The following NECAB1 variants were observed in gnomAD, a reference collection of about 807,000 sequenced individuals.
The protein encoded by NECAB1 is N-terminal EF-hand calcium binding protein 1.
Under a neutral mutation model 57.5 loss-of-function variants are expected in NECAB1, and 29 were observed. That is an observed-to-expected ratio of 0.50 (90% CI 0.38 to 0.69). The LOEUF (loss-of-function observed/expected upper bound fraction) is 0.69, where lower values mean the gene tolerates loss of function less well. NECAB1 is among the 30% of genes least tolerant of loss of function. The pLI, the probability that NECAB1 is intolerant of heterozygous loss-of-function variation, is 0.00. For missense variants in NECAB1, 372 were observed against 413.8 expected, an observed-to-expected ratio of 0.90 and a Z score of 0.88; for synonymous variants, 142 against 147.7, an observed-to-expected ratio of 0.96 and a Z score of 0.28.
At chr8:90,914,092 G>A (rs1202183438) in intron 5 of NECAB1, among the ~76,000 whole-genome samples, 1 of 152,112 alleles carries the variant, frequency 6.6e-6, no homozygotes, top group Non-Finnish European at 1.5e-5. Flanking sequence ...GTGGGACCCG[G>A]TTTCTCACAC....
intron 3 of NECAB1, among the ~76,000 whole-genome samples, chr8:90,841,250 ACT>A (rs1358280875): frequency 1.4e-5 from 2 of 140,878 alleles, no homozygotes; most frequent in East Asian, 4.4e-4. Context: ...ACAGAGCGAG[ACT>A]CTGTCTCAAA....
At chr8:90,901,882 G>A (rs192392954) in intron 5 of NECAB1, among the ~76,000 whole-genome samples, 6 of 151,698 alleles carry the variant, frequency 4.0e-5, no homozygotes, top group South Asian at 2.1e-4. Flanking sequence ...CTAAAACCTC[G>A]TTTGCACTCT....
intron 5 of NECAB1, among the ~76,000 whole-genome samples, chr8:90,888,744 T>C (rs1809075110): frequency 1.3e-5 from 2 of 152,184 alleles, no homozygotes; most frequent in African/African-American, 4.8e-5. Context: ...CAAAAAAAGC[T>C]ATTATAGGTG....
chr8:90,846,875 C>G (rs962431390), intron 3 of NECAB1, among the ~76,000 whole-genome samples: 7 of 152,274 alleles, frequency 4.6e-5, no homozygotes, highest in Middle Eastern at 6.8e-3. Context: ...CACCCTGGAT[C>G]CCTCCCATGA....
At chr8:90,801,844 G>T in intron 2 of NECAB1, 129 bp downstream of exon 2, 1 of 580,976 alleles carries the variant, frequency 1.7e-6, no homozygotes, top group South Asian at 2.9e-5. Context: ...TTGTACTAGT[G>T]ATCGTTTTAG....
intron 7 of NECAB1, among the ~76,000 whole-genome samples, chr8:90,927,639 ACAC>A (rs1810306679): frequency 6.6e-6 from 1 of 151,004 alleles, no homozygotes; most frequent in Non-Finnish European, 1.5e-5. Flanking sequence ...ACACACACAC[ACAC>A]TACATACCTA....
At chr8:90,876,090 C>T (rs753345390) in intron 4 of NECAB1, among the ~76,000 whole-genome samples, 3 of 152,106 alleles carry the variant, frequency 2.0e-5, no homozygotes, top group Non-Finnish European at 2.9e-5. Flanking sequence ...AGCTTATTCC[C>T]TTCATACCCA....
intron 10 of NECAB1, among the ~76,000 whole-genome samples, chr8:90,944,615 T>G (rs2130252625): frequency 6.6e-6 from 1 of 152,274 alleles, no homozygotes; most frequent in Admixed American, 6.5e-5. Context: ...AACAAGAGAA[T>G]AGTTTTGCTT....
At chr8:90,807,949 G>A (rs889531123) in intron 2 of NECAB1, among the ~76,000 whole-genome samples, 1 of 152,122 alleles carries the variant, frequency 6.6e-6, no homozygotes, top group African/African-American at 2.4e-5. Context: ...ACCCATGAGT[G>A]CAAGTTCTGA....
intron 11 of NECAB1, among the ~76,000 whole-genome samples, chr8:90,950,684 A>G (rs1231385070): frequency 6.6e-6 from 1 of 152,174 alleles, no homozygotes; most frequent in African/African-American, 2.4e-5. Flanking sequence ...AATGACACCA[A>G]CAGTATTTCA....
intron 3 of NECAB1, among the ~76,000 whole-genome samples, chr8:90,847,507 G>A (rs1375766461): frequency 6.6e-6 from 1 of 152,210 alleles, no homozygotes; most frequent in African/African-American, 2.4e-5. Context: ...AGCTCCACTA[G>A]GCAGTGCCTC....
chr8:90,917,942 GTA>G (rs1324466389), intron 6 of NECAB1, among the ~76,000 whole-genome samples: 1 of 40,422 alleles, frequency 2.5e-5, no homozygotes, highest in Non-Finnish European at 3.6e-5. Context: ...GTGTATGTGT[GTA>G]TATATATACA....
Position 90,944,261 on chromosome 8 carries a change from TACA to T in NECAB1, c.860+3368_860+3370del, listed in dbSNP as rs1563544813. The stretch of plus-strand genomic sequence containing the variant: ...CACACAAGTCCACTCCTGTTCCAAT[TACA>T]ACAAGGTCTTGCTTTCTTAAATTCA... On this transcript the variant is annotated intron_variant, in intron 10 of 12. Transcript: ENST00000417640. 4.6e-5 allele frequency among the ~76,000 whole-genome samples: 7 copies of T among 152,214 alleles called. No individual in the cohort carries two copies. The South Asian group carries it at 1.5e-3, about 32-fold the overall frequency.
chr8:90,846,014 TA>T (rs1360403196), intron 3 of NECAB1, among the ~76,000 whole-genome samples: 1 of 152,204 alleles, frequency 6.6e-6, no homozygotes, highest in Non-Finnish European at 1.5e-5. Context: ...TGGTACATCT[TA>T]AATTATCTGA....
At chr8:90,935,125 T>C (rs896335450) in intron 9 of NECAB1, among the ~76,000 whole-genome samples, 4 of 152,198 alleles carry the variant, frequency 2.6e-5, no homozygotes, top group African/African-American at 9.6e-5. Context: ...TTATATACTT[T>C]ATAGATGTCA....
At chr8:90,853,152 C>T (rs925478101) in intron 3 of NECAB1, among the ~76,000 whole-genome samples, 9 of 152,374 alleles carry the variant, frequency 5.9e-5, no homozygotes, top group East Asian at 3.9e-4. Context: ...CTCCTGTAAC[C>T]GCTCACCTGC....
chr8:90,953,032 G>A (rs1050569330), intron 12 of NECAB1, among the ~76,000 whole-genome samples: 2 of 151,982 alleles, frequency 1.3e-5, no homozygotes, highest in African/African-American at 2.4e-5. Context: ...ATTGGTCTTC[G>A]GTCAAAATTT....
At chr8:90,900,789 C>CTCT (rs1809482834) in intron 5 of NECAB1, among the ~76,000 whole-genome samples, 1 of 152,178 alleles carries the variant, frequency 6.6e-6, no homozygotes. Flanking sequence ...TTTCATCACG[C>CTCT]TCTTATACTC....
At chr8:90,821,108 C>A (rs946462792) in intron 2 of NECAB1, among the ~76,000 whole-genome samples, 5 of 151,812 alleles carry the variant, frequency 3.3e-5, no homozygotes, top group African/African-American at 1.2e-4. Flanking sequence ...AACTCCCAAG[C>A]ATACACCTCA....
Sources: allele counts gnomAD v4.1 joint callset (sites outside exome capture counted in the v4.1 genomes callset), GRCh38; gene constraint gnomAD v4.1.1; transcripts MANE v1.5; gene names NCBI Gene and HGNC (gene_info 2026-07-23, HGNC 2026-07-21).